Variants in LARGE1 observed in about 807,000 individuals in gnomAD.
LARGE1 encodes LARGE xylosyl- and glucuronyltransferase 1.
LARGE1 carries 43 observed loss-of-function variants against 87.6 expected under a neutral mutation model. That is an observed-to-expected ratio of 0.49 (90% CI 0.38 to 0.63). LARGE1 has a LOEUF of 0.63. Ranked by LOEUF, LARGE1 falls within the 30% of genes least tolerant of loss-of-function variation. The probability of loss-of-function intolerance (pLI) is 0.00; values close to 1 mark genes in which losing one functional copy is unlikely to be tolerated. For missense variants in LARGE1, 802 were observed against 1,000.2 expected (o/e 0.80, Z 2.67); for synonymous variants, 434 against 394.6 (o/e 1.10, Z -1.18).
chr22:33,693,197 G>A (rs989099529), intron 2 of LARGE1, among the ~76,000 whole-genome samples: 2 of 152,176 alleles, frequency 1.3e-5, no homozygotes, highest in African/African-American at 4.8e-5. Context: ...GCTAAACTAC[G>A]GTTCGCAAAG....
intron 6 of LARGE1, among the ~76,000 whole-genome samples, chr22:33,505,349 G>A (rs995020750): frequency 6.6e-6 from 1 of 152,228 alleles, no homozygotes; most frequent in South Asian, 2.1e-4. Flanking sequence ...TCTGTCTGGA[G>A]CTACTGCTAA....
intron 11 of LARGE1, among the ~76,000 whole-genome samples, chr22:33,305,254 G>A (rs1257700325): frequency 3.3e-5 from 5 of 151,518 alleles, no homozygotes; most frequent in Admixed American, 2.0e-4. Context: ...TGCATCACTC[G>A]TCTTCAGAGC....
chr22:33,077,701 T>C, the LARGE1 span, among the ~76,000 whole-genome samples: 1 of 152,236 alleles, frequency 6.6e-6, no homozygotes, highest in Non-Finnish European at 1.5e-5. Flanking sequence ...ATATTATGCA[T>C]ATTTTACCTG....
At chr22:33,504,465 G>A (rs538221506) in intron 6 of LARGE1, among the ~76,000 whole-genome samples, 23 of 152,274 alleles carry the variant, frequency 1.5e-4, no homozygotes, top group African/African-American at 5.3e-4. Flanking sequence ...TCACCACGTC[G>A]GCCAGGCTGG....
At chr22:33,758,934 A>G (rs1409078736) in intron 2 of LARGE1, among the ~76,000 whole-genome samples, 1 of 152,158 alleles carries the variant, frequency 6.6e-6, no homozygotes, top group Non-Finnish European at 1.5e-5. Flanking sequence ...CTCCCCTCCC[A>G]TAACCGCAGT....
chr22:33,289,613 A>G (rs741979), intron 12 of LARGE1, among the ~76,000 whole-genome samples: 4,968 of 152,232 alleles, frequency 0.033, 268 homozygotes, highest in African/African-American at 0.11. Context: ...AGAAGTCAAC[A>G]TACTACTTAC....
At chr22:33,660,521 A>T (rs2081093368) in intron 2 of LARGE1, among the ~76,000 whole-genome samples, 1 of 152,208 alleles carries the variant, frequency 6.6e-6, no homozygotes, top group African/African-American at 2.4e-5. Context: ...GCCCCCAGTT[A>T]GCCCCTAAAC....
chr22:33,333,739 T>C (rs1938049102), intron 10 of LARGE1, among the ~76,000 whole-genome samples: 1 of 152,212 alleles, frequency 6.6e-6, no homozygotes. Flanking sequence ...TTAAGAGTCT[T>C]ATGTTTTGGT....
At chr22:33,218,883 T>A (rs5998817) in intron 11 of LARGE1, among the ~76,000 whole-genome samples, 4,025 of 152,280 alleles carry the variant, frequency 0.026, 174 homozygotes, top group African/African-American at 0.089. Flanking sequence ...CCACCTGGCA[T>A]CCAGGCAGGA....
chr22:33,843,126 T>C (rs2063329992), intron 1 of LARGE1, among the ~76,000 whole-genome samples: 2 of 152,168 alleles, frequency 1.3e-5, no homozygotes, highest in Admixed American at 1.3e-4. Context: ...TGTGAAGCTG[T>C]CCTTGATTTT....
intron 11 of LARGE1, among the ~76,000 whole-genome samples, chr22:33,200,324 T>C (rs1924314063): frequency 6.6e-6 from 1 of 152,192 alleles, no homozygotes; most frequent in Non-Finnish European, 1.5e-5. Flanking sequence ...ATAGTGGTGA[T>C]ATCAAAGAGA....
Position 33,385,402 on chromosome 22 carries a change from C to T in LARGE1, c.893-1098G>A, listed in dbSNP as rs930681859. On this transcript the variant is annotated intron_variant, in intron 7 of 14. Transcript: ENST00000397394. ...AATTAGCTGGGTGTGGTGGTGCATG[C>T]CTGTGATCCCAGTTACTTGGGAGGC... is the stretch of plus-strand genomic sequence containing the variant. Among the ~76,000 whole-genome samples the T allele has an allele frequency of 1.0e-4, 15 of 146,640 alleles. 2 individuals are homozygous for T. The highest frequency in any genetic ancestry group is 3.4e-4 in the Admixed American group (5 of 14,744).
chr22:33,106,155 G>A, the LARGE1 span: 1 of 152,260 alleles, frequency 6.6e-6, no homozygotes. Flanking sequence ...GCCTATGGCA[G>A]CCGTTGCTTC....
At chr22:33,255,070 T>C (rs567958608) in intron 11 of LARGE1, among the ~76,000 whole-genome samples, 135 of 151,744 alleles carry the variant, frequency 8.9e-4, no homozygotes, top group Non-Finnish European at 1.4e-3. Flanking sequence ...CCCTGGTAAC[T>C]GGGATTACAG....
At chr22:33,777,339 T>C (rs2085271844) in intron 1 of LARGE1, among the ~76,000 whole-genome samples, 3 of 152,192 alleles carry the variant, frequency 2.0e-5, no homozygotes, top group East Asian at 3.9e-4. Context: ...ATGGGATCTG[T>C]GCTTAAGACA....
intron 6 of LARGE1, among the ~76,000 whole-genome samples, chr22:33,519,538 TTCCCTCTCAGGC>T (rs1168002057): frequency 6.6e-6 from 1 of 151,942 alleles, no homozygotes; most frequent in African/African-American, 2.4e-5. Context: ...GACACCCAGG[TTCCCTCTCAGGC>T]TCCAGACACT....
chr22:33,670,978 A>T (rs2081391515), intron 2 of LARGE1, among the ~76,000 whole-genome samples: 1 of 152,186 alleles, frequency 6.6e-6, no homozygotes, highest in Non-Finnish European at 1.5e-5. Flanking sequence ...GCACCAAAAA[A>T]TGAGAAAATG....
At chr22:33,847,135 T>C (rs911521905) in intron 1 of LARGE1, among the ~76,000 whole-genome samples, 6 of 152,282 alleles carry the variant, frequency 3.9e-5, no homozygotes, top group African/African-American at 1.4e-4. Flanking sequence ...AAAATTTCTC[T>C]CTTTTGTACT....
At chr22:33,354,447 C>A (rs1940701301) in intron 9 of LARGE1, among the ~76,000 whole-genome samples, 1 of 152,128 alleles carries the variant, frequency 6.6e-6, no homozygotes, top group Non-Finnish European at 1.5e-5. Context: ...AATCAATTTA[C>A]CTTGTTAGTT....
Sources: gnomAD v4.1 joint callset for allele counts (sites outside exome capture counted in the v4.1 genomes callset) on GRCh38, gnomAD v4.1.1 for gene constraint, MANE v1.5 for transcripts, NCBI Gene and HGNC (gene_info 2026-07-23, HGNC 2026-07-21) for gene names.